Variants in PHLDB2 observed in about 807,000 individuals in gnomAD.
PHLDB2 encodes the protein pleckstrin homology-like domain family B member 2.
A neutral mutation model predicts 123.6 loss-of-function variants in PHLDB2; 71 were observed. The ratio of observed to expected loss-of-function variants is 0.57; its 90% CI spans 0.47 to 0.70. PHLDB2 has a LOEUF of 0.70. Ranked by LOEUF, PHLDB2 falls within the 30% of genes least tolerant of loss-of-function variation. The probability of loss-of-function intolerance (pLI) is 0.00; values close to 1 mark genes in which losing one functional copy is unlikely to be tolerated. For missense variants in PHLDB2, 1,446 were observed against 1,519.5 expected, an observed-to-expected ratio of 0.95 and a Z score of 0.80; for synonymous variants, 547 against 541.6, an observed-to-expected ratio of 1.01 and a Z score of -0.14.
At chr3:111,755,018 A>G (rs1576516869) in intron 1 of PHLDB2, among the ~76,000 whole-genome samples, 2 of 152,162 alleles carry the variant, frequency 1.3e-5, no homozygotes, top group East Asian at 3.9e-4. Flanking sequence ...ATCATGGTGG[A>G]TAAGCTTTTT....
rs989601507 is a variant in PHLDB2, at chr3:111,949,169, A to G, written c.2631+94A>G. The G allele has an allele frequency of 9.9e-6, 14 of 1,412,752 alleles. No individual in the cohort carries two copies. In the Admixed American group the frequency reaches 2.3e-4, roughly 23 times the overall value. 87.5% of individuals were successfully genotyped at this position (1,412,752 alleles called of 1,614,324 possible). ...GAAAATGAGGTCCACGAGAACGTGC[A>G]TGACAAATGTATATCTGTTTGGCCA... On this transcript the variant is annotated intron_variant, in intron 10 of 17. Coordinates refer to ENST00000431670, the MANE Select transcript of PHLDB2 (RefSeq NM_001134438.2).
At chr3:111,875,783 G>T (rs538522123) in intron 1 of PHLDB2, among the ~76,000 whole-genome samples, 1 of 147,996 alleles carries the variant, frequency 6.8e-6, no homozygotes, top group African/African-American at 2.5e-5. Flanking sequence ...AGAATGTACC[G>T]TTGCATTCCA....
intron 1 of PHLDB2, among the ~76,000 whole-genome samples, chr3:111,785,882 C>T (rs1444304245): frequency 1.3e-5 from 2 of 151,896 alleles, no homozygotes; most frequent in East Asian, 1.9e-4. Context: ...ATGTTTTGCT[C>T]GGGAAGAGAT....
intron 5 of PHLDB2, 45 bp downstream of exon 5, chr3:111,920,464 G>T (rs751872501): frequency 1.9e-6 from 3 of 1,592,790 alleles, no homozygotes; most frequent in Non-Finnish European, 2.6e-6. Context: ...GGGCAAAGTG[G>T]TGGTCCCAGT....
upstream of PHLDB2, among the ~76,000 whole-genome samples, chr3:111,858,910 A>G (rs923639966): frequency 6.6e-6 from 1 of 152,220 alleles, no homozygotes; most frequent in Non-Finnish European, 1.5e-5. Context: ...GACTTCCAAT[A>G]AAGCATTGGC....
chr3:111,952,663 T>C lies in PHLDB2; in HGVS notation c.2723T>C (p.Ile908Thr), dbSNP rs758914149. The C allele has an allele frequency of 1.9e-6, 3 of 1,613,844 alleles. No individual in the cohort carries two copies. Among genetic ancestry groups the C allele is most frequent in the Non-Finnish European group, 2.5e-6 (3 of 1,179,886 alleles). The change falls in exon 11 of 18, where the codon ATC becomes ACC. Residue 908 changes from isoleucine (I) to threonine (T), a missense_variant. Around this residue, in one of 3 missense-constraint regions of PHLDB2, gnomAD observed 594 missense variants for 646.0 expected, o/e 0.92. Transcript: ENST00000431670. ...TLPRKKTTSS[I>T]SPHFSSATMG... is the part of the protein sequence containing the mutation. The stretch of plus-strand genomic sequence containing the variant: ...CCTCGAAAGAAAACCACATCTTCCA[T>C]CTCCCCACATTTCAGCAGTGCTACT...
Position 111,799,022 on chromosome 3 carries a change from C to A in PHLDB2, c.-48-46799C>A, listed in dbSNP as rs2061278913. Among the ~76,000 whole-genome samples, 3 of 152,232 alleles carry A rather than the reference C, an allele frequency of 2.0e-5. No homozygotes were observed. In the South Asian group the frequency reaches 6.2e-4, roughly 31 times the overall value. On this transcript the variant is annotated intron_variant, in intron 1 of 17. Coordinates refer to the PHLDB2 transcript ENST00000393923. ...CAGAAGGGGAAGCAAACACATCCTT[C>A]TTCACATGGTGGCAGCAAGGAGAAA...
At chr3:111,966,544 G>GTT in intron 13 of PHLDB2, 69 bp from the exon 14 acceptor site, 1 of 912,676 alleles carries the variant, frequency 1.1e-6, no homozygotes, top group South Asian at 1.5e-5. Context: ...GTGTGTGTGT[G>GTT]TGTGTATGTA....
In PHLDB2 at chr3:111,945,475, C is replaced by G. The variant is rs944097987; in HGVS notation, c.2487+118C>G. 18 of 776,540 alleles carry G rather than the reference C, an allele frequency of 2.3e-5. No individual in the cohort carries two copies. The Admixed American group carries it at 2.9e-4, about 13-fold the overall frequency. 48.1% of individuals were successfully genotyped at this position (776,540 alleles called of 1,614,324 possible). Reference sequence around the variant, plus strand: ...AACTCAAAGGACCTGTGAAAGCACTCAATGCTTGGATGGTTTCCCTGCCTT... The same window carrying G: ...AACTCAAAGGACCTGTGAAAGCACTGAATGCTTGGATGGTTTCCCTGCCTT... On this transcript the variant is annotated intron_variant, in intron 9 of 17. Transcript: ENST00000431670.
At chr3:111,818,019 TG>T (rs2062176584) in intron 1 of PHLDB2, among the ~76,000 whole-genome samples, 1 of 152,198 alleles carries the variant, frequency 6.6e-6, no homozygotes, top group African/African-American at 2.4e-5. Context: ...TTCTCATTTT[TG>T]TTCACTAATG....
intron 1 of PHLDB2, chr3:111,780,004 A>C: frequency 2.8e-6 from 1 of 354,722 alleles, no homozygotes; most frequent in Non-Finnish European, 3.9e-6. Context: ...ACAAAATGTG[A>C]GCCAAACATT....
At chr3:111,864,150 CAA>C (rs1194982825) in intron 1 of PHLDB2, among the ~76,000 whole-genome samples, 1 of 152,132 alleles carries the variant, frequency 6.6e-6, no homozygotes, top group African/African-American at 2.4e-5. Flanking sequence ...AGAAATGACT[CAA>C]GAGTGATAGC....
chr3:111,788,266 T>G (rs546916743), intron 1 of PHLDB2, among the ~76,000 whole-genome samples: 13 of 152,330 alleles, frequency 8.5e-5, no homozygotes, highest in South Asian at 4.1e-4. Context: ...GTCATGTTGT[T>G]TCCTATGAAT....
intron 8 of PHLDB2, among the ~76,000 whole-genome samples, chr3:111,943,882 A>G (rs995858060): frequency 1.3e-4 from 20 of 152,242 alleles, no homozygotes; most frequent in African/African-American, 4.6e-4. Flanking sequence ...TATTTACACA[A>G]TATAAATGAA....
intron 1 of PHLDB2, among the ~76,000 whole-genome samples, chr3:111,882,783 A>G (rs923383687): frequency 1.1e-4 from 17 of 152,276 alleles, no homozygotes; most frequent in Non-Finnish European, 2.4e-4. Context: ...GCTAAGCAAC[A>G]GGGTGAAGGT....
intron 3 of PHLDB2, 156 bp downstream of exon 3, chr3:111,913,858 T>C: frequency 1.0e-6 from 1 of 1,000,642 alleles, no homozygotes; most frequent in Non-Finnish European, 1.5e-6. Flanking sequence ...TGCAGCAAAT[T>C]AGGGTGTTTA....
At chr3:111,851,105 G>T (rs904903788) in intron 2 of PHLDB2, among the ~76,000 whole-genome samples, 1 of 146,456 alleles carries the variant, frequency 6.8e-6, no homozygotes, top group African/African-American at 2.5e-5. Flanking sequence ...TGAGGCAGGA[G>T]AATGGCATGA....
chr3:111,859,663 CGCG>C, intron 1 of PHLDB2, 87 bp downstream of exon 1: 1 of 985,296 alleles, frequency 1.0e-6, no homozygotes, highest in Non-Finnish European at 1.2e-6. Context: ...CTGCCTCCCC[CGCG>C]GCCGAGTTGG....
chr3:111,812,752 T>A (rs1385636539), intron 1 of PHLDB2, among the ~76,000 whole-genome samples: 2 of 152,226 alleles, frequency 1.3e-5, no homozygotes, highest in Non-Finnish European at 2.9e-5. Flanking sequence ...GCAGAGAAAG[T>A]TAATGAATAT....
Sources: allele counts gnomAD v4.1 joint callset (sites outside exome capture counted in the v4.1 genomes callset), GRCh38; gene constraint gnomAD v4.1.1; regional missense constraint gnomAD v4.1.1; transcripts MANE v1.5; gene names NCBI Gene and HGNC (gene_info 2026-07-23, HGNC 2026-07-21).